Variants in BMF observed in about 807,000 individuals in gnomAD.
BMF encodes the protein bcl-2-modifying factor.
Under a neutral mutation model 22.0 loss-of-function variants are expected in BMF, and 10 were observed. The ratio of observed to expected loss-of-function variants is 0.45; its 90% CI spans 0.28 to 0.77. The LOEUF is 0.77. Among genes scored for constraint, BMF ranks in the 30% least tolerant of loss-of-function variants. The probability of loss-of-function intolerance (pLI) is 0.13; values close to 1 mark genes in which losing one functional copy is unlikely to be tolerated. For synonymous variants in BMF, 87 were observed against 88.1 expected (o/e 0.99, Z 0.07); for missense variants, 206 against 226.8 (o/e 0.91, Z 0.59).
At chr15:40,099,661 T>C (rs1282458691) in intron 4 of BMF, among the ~76,000 whole-genome samples, 1 of 151,060 alleles carries the variant, frequency 6.6e-6, no homozygotes, top group Non-Finnish European at 1.5e-5. Context: ...TGCCTGTAAT[T>C]CCAGCTACTC....
At chr15:40,100,150 AC>A (rs775725898) in intron 4 of BMF, among the ~76,000 whole-genome samples, 1 of 152,112 alleles carries the variant, frequency 6.6e-6, no homozygotes, top group Admixed American at 6.5e-5. Context: ...GCCCAGAAAT[AC>A]CCCCAAATGT....
rs1390692867 is a variant in BMF at position 40,089,497 on chromosome 15, A to G, written c.*2290T>C. On this transcript the variant is annotated 3_prime_UTR_variant, in exon 5 of 5. Coordinates refer to ENST00000354670, the MANE Select transcript of BMF (RefSeq NM_001003940.2). ...AAGATGGAGACAGTGCAGTCAGACC[A>G]CCTTCCACCTGCCCCAGGCTTGATG... 2.6e-5 allele frequency: 4 copies of G among 152,120 alleles called. No homozygotes were observed. The highest frequency in any genetic ancestry group is 7.2e-5 in the African/African-American group (3 of 41,424). The allele number at this position is 152,120 out of a possible 1,614,324, so 9.4% of individuals were successfully genotyped here. A position where few individuals can be genotyped will look rare whatever the true frequency, so the allele number is the denominator to read the frequency against.
intron 3 of BMF, among the ~76,000 whole-genome samples, chr15:40,104,991 G>C (rs796892363): frequency 1.3e-5 from 2 of 152,236 alleles, no homozygotes; most frequent in African/African-American, 4.8e-5. Context: ...CGGGCTCCTC[G>C]CTCCTTTCCC....
In BMF at chr15:40,089,452, G is replaced by C. The variant is rs1455954042; in HGVS notation, c.*2335C>G. 1 of 152,280 alleles carries C rather than the reference G, an allele frequency of 6.6e-6. No homozygotes were observed. Among genetic ancestry groups the C allele is most frequent in the East Asian group, 1.9e-4 (1 of 5,204 alleles). The allele number at this position is 152,280 out of a possible 1,614,324, so 9.4% of individuals were successfully genotyped here. On this transcript the variant is annotated 3_prime_UTR_variant, in exon 5 of 5. Coordinates refer to ENST00000354670, the MANE Select transcript of BMF (RefSeq NM_001003940.2). ...TGCCCTGGCTCACTTAAGACAGTGA[G>C]TGAGTTCCTGGCTTTGCATAAGATG... is the stretch of plus-strand genomic sequence containing the variant.
Position 40,105,872 on chromosome 15 carries a change from G to C in BMF, c.215C>G (p.Thr72Ser). ...TTGGCTGGGGGAGGCTGGGCTGAGA[G>C]TCTGGGTAGCTTTGTCTTCCTGGCT... ...PTSQEDKATQTLSPASPSQGV... is the reference protein window; with the variant it reads ...PTSQEDKATQSLSPASPSQGV... The change falls in exon 3 of 5, where the codon ACT becomes AGT. Residue 72 changes from threonine to serine, a missense_variant. Transcript: ENST00000354670. 1 of 1,614,194 alleles carries C rather than the reference G, an allele frequency of 6.2e-7. No individual in the cohort carries two copies. Among genetic ancestry groups the C allele is most frequent in the South Asian group, 1.1e-5 (1 of 91,082 alleles).
chr15:40,104,240 T>C lies in BMF; in HGVS notation c.393A>G (p.Val131=), dbSNP rs756455504. 2.5e-6 allele frequency: 4 copies of C among 1,614,208 alleles called. No individual in the cohort carries two copies. In the South Asian group the frequency reaches 3.3e-5, roughly 13 times the overall value. ...TGCACTGAAGCTTTCGGGCAATCTG[T>C]ACCTCTGCTTGATGTTGCCACTGCC... ...PEGQWQHQAE[V]QIARKLQCIA... Residue 131 remains valine (V), a synonymous_variant, in exon 4 of 5, where the codon GTA becomes GTG. Coordinates refer to ENST00000354670, the MANE Select transcript of BMF (RefSeq NM_001003940.2).
At chr15:40,097,349 A>T (rs906899886) in intron 4 of BMF, among the ~76,000 whole-genome samples, 1 of 152,268 alleles carries the variant, frequency 6.6e-6, no homozygotes, top group African/African-American at 2.4e-5. Flanking sequence ...GCTAAGAGTT[A>T]TGTGGATACA....
At chr15:40,093,196 T>G (rs1048402949) in intron 4 of BMF, among the ~76,000 whole-genome samples, 1 of 152,204 alleles carries the variant, frequency 6.6e-6, no homozygotes, top group Non-Finnish European at 1.5e-5. Flanking sequence ...TGGCTTCCCC[T>G]TCACGCTGCC....
At chr15:40,104,625 C>T (rs1416020481) in intron 3 of BMF, among the ~76,000 whole-genome samples, 1 of 152,192 alleles carries the variant, frequency 6.6e-6, no homozygotes, top group Non-Finnish European at 1.5e-5. Flanking sequence ...GGCGAACATG[C>T]CAGCCTTCCG....
At chr15:40,102,846 G>A (rs929476518) in intron 4 of BMF, among the ~76,000 whole-genome samples, 5 of 152,166 alleles carry the variant, frequency 3.3e-5, no homozygotes, top group African/African-American at 1.2e-4. Flanking sequence ...GGGGAAACTC[G>A]AAGCCAAGTT....
chr15:40,096,291 T>A (rs11634257), intron 4 of BMF, among the ~76,000 whole-genome samples: 30,580 of 151,306 alleles, frequency 0.2, 3,712 homozygotes, highest in South Asian at 0.32. Flanking sequence ...GCTCCCTGGA[T>A]AAGAATCTCC....
In BMF at chr15:40,104,243, C is replaced by T. The variant is rs146377359; in HGVS notation, c.390G>A (p.Glu130=). The T allele has an allele frequency of 7.5e-5, 121 of 1,614,116 alleles. 2 individuals are homozygous for T. The African/African-American group carries it at 1.1e-3, about 15-fold the overall frequency. ...PPEGQWQHQA[E]VQIARKLQCI... ...ACTGAAGCTTTCGGGCAATCTGTACCTCTGCTTGATGTTGCCACTGCCCTT... is the reference window on the plus strand; with the variant it reads ...ACTGAAGCTTTCGGGCAATCTGTACTTCTGCTTGATGTTGCCACTGCCCTT... Residue 130 remains glutamate (E), a synonymous_variant, in exon 4 of 5, where the codon GAG becomes GAA. Transcript: ENST00000354670.
Position 40,092,357 on chromosome 15 carries a change from A to G in BMF, c.454-469T>C, listed in dbSNP as rs61389798. Among the ~76,000 whole-genome samples the G allele has an allele frequency of 2.1e-3, 320 of 152,278 alleles. 1 individual carries two copies. Among genetic ancestry groups the G allele is most frequent in the African/African-American group, 7.4e-3 (308 of 41,562 alleles). ...GGCCTCCATCTGCAAGTGATTTGAC[A>G]CTGTGAAGGTCAAAGGGTTAATCTT... On this transcript the variant is annotated intron_variant, in intron 4 of 4. Coordinates refer to ENST00000354670, the MANE Select transcript of BMF (RefSeq NM_001003940.2).
intron 4 of BMF, among the ~76,000 whole-genome samples, chr15:40,093,895 A>T (rs1426504955): frequency 6.6e-6 from 1 of 152,222 alleles, no homozygotes; most frequent in African/African-American, 2.4e-5. Flanking sequence ...CAGACCCAGC[A>T]TCAGAAGATT....
rs2036203737 is a variant in BMF at position 40,090,004 on chromosome 15, A to G, written c.*1783T>C. On this transcript the variant is annotated 3_prime_UTR_variant, in exon 5 of 5. Transcript: ENST00000354670. ...ATCCAGAATATCTGAGCAGAACAAA[A>G]CAAAGGCTTACATGCACAGTTTGAG... 1 of 152,664 alleles carries G rather than the reference A, an allele frequency of 6.6e-6. No individual in the cohort carries two copies. Among genetic ancestry groups the G allele is most frequent in the South Asian group, 2.1e-4 (1 of 4,836 alleles). The allele number at this position is 152,664 out of a possible 1,614,324, so 9.5% of individuals were successfully genotyped here. A position where few individuals can be genotyped will look rare whatever the true frequency, so the allele number is the denominator to read the frequency against.
At position 40,095,917 on chromosome 15, in the gene BMF, T is replaced by C. The variant is rs899132016; in HGVS notation, c.454-4029A>G. ...GACAAATGTTTCAATCCCTACTGTG[T>C]GCAACACCCTATGCCTGAATGCACA... is the stretch of plus-strand genomic sequence containing the variant. On this transcript the variant is annotated intron_variant, in intron 4 of 4. Transcript: ENST00000354670. 2.0e-5 allele frequency among the ~76,000 whole-genome samples: 3 copies of C among 152,178 alleles called. No homozygotes were observed. The East Asian group carries it at 5.8e-4, about 29-fold the overall frequency.
Position 40,108,845 on chromosome 15 carries a change from G to C in BMF, c.-206C>G, listed in dbSNP as rs1228333307. On this transcript the variant is annotated 5_prime_UTR_variant, in exon 1 of 5. Coordinates refer to ENST00000354670, the MANE Select transcript of BMF (RefSeq NM_001003940.2). ...GCGGGCACAGGCCGGGGCGGGAGGAGGCCACTCCGCACGGTGCGGTATTGT... is the reference window on the plus strand; with the variant it reads ...GCGGGCACAGGCCGGGGCGGGAGGACGCCACTCCGCACGGTGCGGTATTGT... The C allele has an allele frequency of 6.5e-6, 1 of 153,310 alleles. No individual in the cohort carries two copies. Among genetic ancestry groups the C allele is most frequent in the African/African-American group, 2.4e-5 (1 of 41,444 alleles). 9.5% of individuals were successfully genotyped at this position (153,310 alleles called of 1,614,324 possible). A position where few individuals can be genotyped will look rare whatever the true frequency, so the allele number is the denominator to read the frequency against.
intron 3 of BMF, among the ~76,000 whole-genome samples, chr15:40,104,799 C>T (rs922700267): frequency 2.0e-5 from 3 of 152,132 alleles, no homozygotes; most frequent in Admixed American, 6.5e-5. Context: ...TTTTTTAGTG[C>T]AGTAGAGTAA....
At chr15:40,101,979 T>G (rs925352431) in intron 4 of BMF, among the ~76,000 whole-genome samples, 1 of 151,718 alleles carries the variant, frequency 6.6e-6, no homozygotes, top group African/African-American at 2.4e-5. Flanking sequence ...CAGTGTGGAG[T>G]AAGGTGCAAG....
Sources: allele counts gnomAD v4.1 joint callset (sites outside exome capture counted in the v4.1 genomes callset), GRCh38; gene constraint gnomAD v4.1.1; transcripts MANE v1.5; gene names NCBI Gene and HGNC (gene_info 2026-07-23, HGNC 2026-07-21).